The following UBE2Z variants were observed in gnomAD, a reference collection of about 807,000 sequenced individuals.
UBE2Z encodes the protein ubiquitin conjugating enzyme E2 Z, also known as ubiquitin-conjugating enzyme E2 Z.
UBE2Z carries 10 observed loss-of-function variants against 32.6 expected under a neutral mutation model. The ratio of observed to expected loss-of-function variants is 0.31; its 90% confidence interval spans 0.19 to 0.52. The LOEUF (loss-of-function observed/expected upper bound fraction) is 0.52. Ranked by LOEUF, UBE2Z falls within the 20% of genes least tolerant of loss-of-function variation. UBE2Z has a pLI of 0.97. For synonymous variants in UBE2Z, 183 were observed against 190.8 expected (o/e 0.96, Z 0.34); for missense variants, 343 against 480.9 (o/e 0.71, Z 2.68).
chr17:48,925,246 C>T (rs1207118922), intron 6 of UBE2Z, among the ~76,000 whole-genome samples: 3 of 148,782 alleles, frequency 2.0e-5, no homozygotes, highest in African/African-American at 7.4e-5. Flanking sequence ...GATCACGTTG[C>T]ACTCTAGCCT....
intron 2 of UBE2Z, chr17:48,911,135 A>G: frequency 2.1e-6 from 1 of 487,184 alleles, no homozygotes; most frequent in East Asian, 3.4e-5. Context: ...TCGCAGCTTG[A>G]CTATTTATAG....
chr17:48,911,198 C>T (rs78196108), intron 2 of UBE2Z: 2 of 320,522 alleles, frequency 6.2e-6, no homozygotes, highest in East Asian at 6.1e-5. Flanking sequence ...ATTATATGGT[C>T]ACCCTATCCA....
chr17:48,918,218 G>A (rs552745693), intron 4 of UBE2Z, among the ~76,000 whole-genome samples: 2 of 152,140 alleles, frequency 1.3e-5, no homozygotes, highest in South Asian at 2.1e-4. Context: ...GATTACAGGC[G>A]TGAGCAACCA....
chr17:48,918,303 C>T (rs960238887), intron 4 of UBE2Z, among the ~76,000 whole-genome samples: 55 of 152,052 alleles, frequency 3.6e-4, no homozygotes, highest in Admixed American at 1.1e-3. Flanking sequence ...TAGACCTGAA[C>T]AAAGGATAAT....
At chr17:48,925,544 T>G (rs1303423969) in intron 6 of UBE2Z, among the ~76,000 whole-genome samples, 3 of 152,176 alleles carry the variant, frequency 2.0e-5, no homozygotes, top group African/African-American at 7.2e-5. Flanking sequence ...TAAACCCTTT[T>G]TGAGAGTATA....
rs371315163 is a variant in UBE2Z, at chr17:48,927,399, G to GC, written c.*266dup. On this transcript the variant is annotated 3_prime_UTR_variant, in exon 7 of 7. Coordinates refer to ENST00000360943, the MANE Select transcript of UBE2Z (RefSeq NM_023079.5). ...AGGTACCTTTACAGGAGCACCTAGA[G>GC]CGAGGGCCTTTGGCAAAAACAAAAC... 2.8e-3 allele frequency: 1,151 copies of GC among 407,094 alleles called. 7 individuals are homozygous for GC. The highest frequency in any genetic ancestry group is 4.2e-3 in the Non-Finnish European group (922 of 220,112). 25.2% of individuals were successfully genotyped at this position (407,094 alleles called of 1,614,324 possible). A position where few individuals can be genotyped will look rare whatever the true frequency, so the allele number is the denominator to read the frequency against.
At position 48,927,141 on chromosome 17, in the gene UBE2Z, C is replaced by T; in HGVS notation, c.*7C>T. 3 of 1,613,332 alleles carry T rather than the reference C, an allele frequency of 1.9e-6. No individual in the cohort carries two copies. Among genetic ancestry groups the T allele is most frequent in the South Asian group, 2.2e-5 (2 of 90,992 alleles). ...TGGGAGCCTGAGGGTTTAGACCCTG[C>T]TCCCATCTCCCCTTCCCCCACTCAA... On this transcript the variant is annotated 3_prime_UTR_variant, in exon 7 of 7. Transcript: ENST00000360943.
At chr17:48,913,310 A>C (rs1379161105) in intron 3 of UBE2Z, among the ~76,000 whole-genome samples, 3 of 152,154 alleles carry the variant, frequency 2.0e-5, no homozygotes, top group African/African-American at 7.2e-5. Flanking sequence ...TTAGACCTAC[A>C]AAAGAAACTC....
chr17:48,919,552 C>T (rs144534941), intron 4 of UBE2Z, among the ~76,000 whole-genome samples: 2 of 152,248 alleles, frequency 1.3e-5, no homozygotes, highest in Non-Finnish European at 2.9e-5. Context: ...TCATAGCTCA[C>T]TGAAGCCTCG....
rs77094622 is a variant in UBE2Z, at chr17:48,916,586, TTTTTGTTTTG to T, written c.690+420_690+429del. ...TTTAAGAGATCTGCTTGGGAGGTTT[TTTTTGTTTTG>T]TTTTGTTTTGTTTTGTTTTGGACCT... On this transcript the variant is annotated intron_variant, in intron 4 of 6. Transcript: ENST00000360943. Among the ~76,000 whole-genome samples the T allele has an allele frequency of 4.2e-3, 622 of 149,032 alleles. 9 individuals carry two copies. The highest frequency in any genetic ancestry group is 0.015 in the African/African-American group (600 of 40,468).
intron 1 of UBE2Z, among the ~76,000 whole-genome samples, chr17:48,909,914 C>T (rs2040663521): frequency 6.6e-6 from 1 of 152,148 alleles, no homozygotes; most frequent in Non-Finnish European, 1.5e-5. Context: ...CAGTGCCTGA[C>T]ACAGGAGGTC....
At chr17:48,913,658 A>G (rs546846766) in intron 3 of UBE2Z, among the ~76,000 whole-genome samples, 10 of 152,132 alleles carry the variant, frequency 6.6e-5, no homozygotes, top group Admixed American at 2.0e-4. Flanking sequence ...CGGCCCAGAA[A>G]TCTGTTTTTT....
intron 3 of UBE2Z, among the ~76,000 whole-genome samples, chr17:48,915,059 T>G (rs2040709425): frequency 6.6e-6 from 1 of 152,048 alleles, no homozygotes; most frequent in South Asian, 2.1e-4. Flanking sequence ...TGTTCCTAGT[T>G]GACTGTATTA....
intron 6 of UBE2Z, chr17:48,923,176 C>T: frequency 3.0e-6 from 1 of 332,608 alleles, no homozygotes; most frequent in Non-Finnish European, 5.8e-6. Context: ...AAAAAATTAG[C>T]CGGGCATCGT....
chr17:48,921,270 A>G lies in UBE2Z; in HGVS notation c.801A>G (p.Leu267=), dbSNP rs199614205. ...MEGKCPCPEP[L]RGVMEKSFLE... ...GAAAGTGTCCCTGTCCTGAACCCCT[A>G]CGGTATGTGTCAAGCGGGCTTGCTT... Residue 267 remains leucine (L), a splice_region_variant and synonymous_variant, in exon 5 of 7, where the codon CTA becomes CTG. Transcript: ENST00000360943. 18 of 1,609,208 alleles carry G rather than the reference A, an allele frequency of 1.1e-5. No homozygotes were observed. The East Asian group carries it at 3.1e-4, about 28-fold the overall frequency.
intron 6 of UBE2Z, chr17:48,923,146 C>T: frequency 2.6e-6 from 1 of 386,756 alleles, no homozygotes; most frequent in South Asian, 3.3e-5. Flanking sequence ...ACGGTGAAAC[C>T]CCGTCTCTAC....
Position 48,928,632 on chromosome 17 carries a change from G to A in UBE2Z, c.*1498G>A, listed in dbSNP as rs2040813809. ...GGGCACAAAGGAGAATGTCCTATTT[G>A]GGAGGGCAGGAAGCAAAGGAACTGG... On this transcript the variant is annotated 3_prime_UTR_variant, in exon 7 of 7. Coordinates refer to ENST00000360943, the MANE Select transcript of UBE2Z (RefSeq NM_023079.5). The A allele has an allele frequency of 6.5e-6, 1 of 152,832 alleles. No individual in the cohort carries two copies. Among genetic ancestry groups the A allele is most frequent in the Non-Finnish European group, 1.5e-5 (1 of 68,180 alleles). The allele number at this position is 152,832 out of a possible 1,614,324, so 9.5% of individuals were successfully genotyped here. A position where few individuals can be genotyped will look rare whatever the true frequency, so the allele number is the denominator to read the frequency against.
At chr17:48,913,062 G>A (rs917483424) in intron 3 of UBE2Z, 41 bp downstream of exon 3, 1 of 1,594,716 alleles carries the variant, frequency 6.3e-7, no homozygotes, top group Non-Finnish European at 8.6e-7. Context: ...GTTGTTAGCA[G>A]ATAATTACTC....
At position 48,923,118 on chromosome 17, in the gene UBE2Z, G is replaced by A. The variant is rs2040773421; in HGVS notation, c.894+181G>A. 9 of 476,016 alleles carry A rather than the reference G, an allele frequency of 1.9e-5. No individual in the cohort carries two copies. The South Asian group carries it at 2.2e-4, about 12-fold the overall frequency. The allele number at this position is 476,016 out of a possible 1,614,324, so 29.5% of individuals were successfully genotyped here. On this transcript the variant is annotated intron_variant, in intron 6 of 6. Transcript: ENST00000360943. ...GGGCGGATCACGAGGTCGGGAAATT[G>A]AGACCATCCTGGCTAACACGGTGAA...
Sources: gnomAD v4.1 joint callset for allele counts (sites outside exome capture counted in the v4.1 genomes callset) on GRCh38, gnomAD v4.1.1 for gene constraint, MANE v1.5 for transcripts, NCBI Gene and HGNC (gene_info 2026-07-23, HGNC 2026-07-21) for gene names.